The following ASIC2 variants were observed in gnomAD, a reference collection of about 807,000 sequenced individuals.
ASIC2 encodes the protein acid-sensing ion channel 2.
In ASIC2, 25 loss-of-function variants were observed where a neutral mutation model predicts 57.3. That is an observed-to-expected ratio of 0.44 (90% confidence interval 0.32 to 0.61). The LOEUF is 0.61. Ranked by LOEUF, ASIC2 falls within the 20% of genes least tolerant of loss-of-function variation. The pLI is 0.06. For synonymous variants in ASIC2, 319 were observed against 307.5 expected (o/e 1.04, Z -0.39); for missense variants, 641 against 738.1 (o/e 0.87, Z 1.52).
chr17:34,048,456 A>C (rs896029880), intron 1 of ASIC2, among the ~76,000 whole-genome samples: 1 of 152,210 alleles, frequency 6.6e-6, no homozygotes, highest in Non-Finnish European at 1.5e-5. Flanking sequence ...GATGCTCAAC[A>C]GCCTCTCTCT....
intron 3 of ASIC2, among the ~76,000 whole-genome samples, chr17:33,033,763 G>A (rs990269393): frequency 6.6e-6 from 1 of 152,212 alleles, no homozygotes; most frequent in East Asian, 1.9e-4. Flanking sequence ...GGGACTGCCA[G>A]TCTTGCTCAC....
chr17:33,167,055 C>T (rs1387423512), intron 1 of ASIC2, among the ~76,000 whole-genome samples: 1 of 152,128 alleles, frequency 6.6e-6, no homozygotes, highest in Non-Finnish European at 1.5e-5. Flanking sequence ...ACATAAAGTG[C>T]CCCCTACAGA....
intron 1 of ASIC2, among the ~76,000 whole-genome samples, chr17:33,466,355 G>A (rs981372011): frequency 3.3e-5 from 5 of 152,110 alleles, no homozygotes; most frequent in Non-Finnish European, 5.9e-5. Context: ...ACAAACAAAT[G>A]GAAGAACATT....
intron 1 of ASIC2, among the ~76,000 whole-genome samples, chr17:33,332,509 T>C (rs754588698): frequency 2.0e-5 from 3 of 152,166 alleles, no homozygotes; most frequent in Non-Finnish European, 4.4e-5. Flanking sequence ...CATTTTCAAG[T>C]GCTCAAGAGA....
intron 3 of ASIC2, among the ~76,000 whole-genome samples, chr17:33,087,858 C>T (rs566172996): frequency 1.3e-5 from 2 of 151,966 alleles, no homozygotes; most frequent in Non-Finnish European, 2.9e-5. Flanking sequence ...CGTGCCCGGC[C>T]CTACAACAAG....
chr17:33,136,152 G>C lies in ASIC2; in HGVS notation c.709-24085C>G, dbSNP rs913592309. On this transcript the variant is annotated intron_variant, in intron 1 of 9. Coordinates refer to ENST00000225823, the MANE Select transcript of ASIC2 (RefSeq NM_183377.2). ...ACGTGTGTTTGCATACATGTACTGG[G>C]GGTGTGGATGTGTCTGTGTGCACTA... Among the ~76,000 whole-genome samples, 3 of 152,156 alleles carry C rather than the reference G, an allele frequency of 2.0e-5. No homozygotes were observed. In the East Asian group the frequency reaches 5.8e-4, roughly 29 times the overall value.
In ASIC2 at chr17:34,151,980, A is replaced by G. The variant is rs546126909; in HGVS notation, c.555+3998T>C. ...GAATTCCAACTCAGATTTCTCCCTA[A>G]AACTCACATTCTTCACCTACATGTT... On this transcript the variant is annotated intron_variant, in intron 1 of 9. Coordinates refer to the ASIC2 transcript ENST00000359872. Among the ~76,000 whole-genome samples the G allele has an allele frequency of 6.5e-4, 99 of 152,258 alleles. No homozygotes were observed. The Middle Eastern group carries it at 0.01, about 16-fold the overall frequency.
intron 1 of ASIC2, among the ~76,000 whole-genome samples, chr17:33,948,661 C>T (rs1169948682): frequency 1.3e-5 from 2 of 152,222 alleles, no homozygotes; most frequent in Non-Finnish European, 2.9e-5. Context: ...GCCCTGGCTT[C>T]CCCGCTTAGT....
chr17:33,795,666 C>A (rs1430932893), intron 1 of ASIC2, among the ~76,000 whole-genome samples: 9 of 152,212 alleles, frequency 5.9e-5, no homozygotes, highest in Non-Finnish European at 1.3e-4. Flanking sequence ...ACAGAAATAC[C>A]TTCTGTGGTT....
chr17:33,014,688 G>A (rs2091796613), intron 9 of ASIC2, among the ~76,000 whole-genome samples: 1 of 152,114 alleles, frequency 6.6e-6, no homozygotes, highest in African/African-American at 2.4e-5. Context: ...GCAGGGCACC[G>A]CTAGCCAGGA....
At chr17:33,987,665 C>T (rs11870345) in intron 1 of ASIC2, among the ~76,000 whole-genome samples, 1 of 152,096 alleles carries the variant, frequency 6.6e-6, no homozygotes, top group Non-Finnish European at 1.5e-5. Context: ...AACCAACCAA[C>T]CAACCAACCA....
intron 1 of ASIC2, among the ~76,000 whole-genome samples, chr17:33,693,571 G>C (rs1908437093): frequency 6.6e-6 from 1 of 152,176 alleles, no homozygotes; most frequent in African/African-American, 2.4e-5. Context: ...CATCTCAAGG[G>C]TACCAGAAGG....
At chr17:33,762,397 C>T (rs1910812065) in intron 1 of ASIC2, among the ~76,000 whole-genome samples, 1 of 152,122 alleles carries the variant, frequency 6.6e-6, no homozygotes. Context: ...AGCTTGTATT[C>T]TGGAAGCAGG....
chr17:33,271,898 C>T (rs1258988691), intron 1 of ASIC2, among the ~76,000 whole-genome samples: 1 of 152,252 alleles, frequency 6.6e-6, no homozygotes, highest in Non-Finnish European at 1.5e-5. Context: ...AGCCTACAAG[C>T]CTTGGCATTT....
Position 34,156,263 on chromosome 17 carries a change from G to T in ASIC2, c.270C>A (p.Thr90=). ...ACCGGAAGCCATTCAGGTTACAGAG[G>T]GTCACAGCTGGGAAGACCAGGCTTT... is the stretch of plus-strand genomic sequence containing the variant. The change falls in exon 1 of 10, where the codon ACC becomes ACA. Residue 90 remains threonine, a synonymous_variant. Coordinates refer to the ASIC2 transcript ENST00000359872. This position sits in a 1 kb window ranked among gnomAD's most constrained non-coding sequence, Gnocchi z 4.4. 6.2e-7 allele frequency: 1 copy of T among 1,614,142 alleles called. No homozygotes were observed. The highest frequency in any genetic ancestry group is 8.5e-7 in the Non-Finnish European group (1 of 1,180,030).
In ASIC2 at chr17:33,017,506, G is replaced by C. The variant is rs1014182359; in HGVS notation, c.1521+99C>G. On this transcript the variant is annotated intron_variant, in intron 8 of 9. Transcript: ENST00000225823. ...CAGGAGGGGAAGCAGGCTCTGCATG[G>C]AGAGAGGCACCGCCTTCCCTCTACT... 9.3e-6 allele frequency: 9 copies of C among 969,576 alleles called. 1 individual carries two copies. In the African/African-American group the frequency reaches 9.8e-5, roughly 11 times the overall value. 60.1% of individuals were successfully genotyped at this position (969,576 alleles called of 1,614,324 possible). A position where few individuals can be genotyped will look rare whatever the true frequency, so the allele number is the denominator to read the frequency against.
At chr17:33,111,848 C>T in intron 2 of ASIC2, 69 bp downstream of exon 2, 2 of 1,540,970 alleles carry the variant, frequency 1.3e-6, no homozygotes, top group East Asian at 4.7e-5. Context: ...AGACAGCTCA[C>T]CAGCCTTTCA....
At chr17:33,270,697 C>T (rs1423773454) in intron 1 of ASIC2, among the ~76,000 whole-genome samples, 4 of 152,228 alleles carry the variant, frequency 2.6e-5, no homozygotes, top group Non-Finnish European at 5.9e-5. Context: ...ACCTTAAAGA[C>T]AACTTCATTT....
rs1218762647 is a variant in ASIC2 at position 34,039,317 on chromosome 17, T to C, written c.555+116661A>G. 4 of 1,613,838 alleles carry C rather than the reference T, an allele frequency of 2.5e-6. No individual in the cohort carries two copies. The African/African-American group carries it at 5.3e-5, about 22-fold the overall frequency. On this transcript the variant is annotated intron_variant, in intron 1 of 9. Coordinates refer to the ASIC2 transcript ENST00000359872. ...GAATGCTCTGTGTTGCCAGATCCCG[T>C]AGATGAGGGACTGTTTTGCTGAGCT...
Sources: gnomAD v4.1 joint callset for allele counts (sites outside exome capture counted in the v4.1 genomes callset) on GRCh38, gnomAD v4.1.1 for gene constraint, Gnocchi (gnomAD v3.1) non-coding constraint, MANE v1.5 for transcripts, NCBI Gene and HGNC (gene_info 2026-07-23, HGNC 2026-07-21) for gene names.